CPEB3: variants seen among roughly 807,000 people sequenced by gnomAD.
The protein encoded by CPEB3 is cytoplasmic polyadenylation element binding protein 3.
In CPEB3, 20 loss-of-function variants were observed where a neutral mutation model predicts 67.2. The ratio of observed to expected loss-of-function variants is 0.30; its 90% CI spans 0.21 to 0.43. CPEB3 has a LOEUF of 0.43. CPEB3 is among the 20% of genes least tolerant of loss of function. The pLI is 1.00. For synonymous variants in CPEB3, 376 were observed against 393.1 expected, an observed-to-expected ratio of 0.96 and a Z score of 0.51; for missense variants, 746 against 968.6, an observed-to-expected ratio of 0.77 and a Z score of 3.05.
chr10:92,192,451 G>T lies in CPEB3; in HGVS notation c.1165+26C>A, dbSNP rs772822913. 1.5e-5 allele frequency: 23 copies of T among 1,571,018 alleles called. No homozygotes were observed. The South Asian group carries it at 2.7e-4, about 18-fold the overall frequency. ...GATTTTTGCTTAAAACACCAAGCAA[G>T]AAATGGACATATGAATATTCCTAAC... On this transcript the variant is annotated intron_variant, in intron 3 of 9. Coordinates refer to ENST00000265997, the MANE Select transcript of CPEB3 (RefSeq NM_014912.5).
intron 2 of CPEB3, among the ~76,000 whole-genome samples, chr10:92,238,277 AC>A (rs1026807464): frequency 3.9e-5 from 6 of 152,292 alleles, no homozygotes; most frequent in African/African-American, 9.6e-5. Flanking sequence ...GTGAACACAC[AC>A]CCGCACTACG....
chr10:92,078,637 A>C (rs1381439999), intron 9 of CPEB3, among the ~76,000 whole-genome samples: 1 of 152,190 alleles, frequency 6.6e-6, no homozygotes, highest in African/African-American at 2.4e-5. Flanking sequence ...TATATGGTTA[A>C]CCCAATTATA....
At chr10:92,141,948 G>A (rs551599057) in intron 6 of CPEB3, among the ~76,000 whole-genome samples, 1 of 150,884 alleles carries the variant, frequency 6.6e-6, no homozygotes, top group Admixed American at 6.6e-5. Flanking sequence ...AATCCAGGAG[G>A]CGGAGCTTGC....
chr10:92,207,856 C>T (rs934878555), intron 2 of CPEB3, among the ~76,000 whole-genome samples: 1 of 152,166 alleles, frequency 6.6e-6, no homozygotes, highest in Non-Finnish European at 1.5e-5. Context: ...AGCGATAGAG[C>T]GAGACTCTGT....
chr10:92,158,518 A>AAC (rs1847313788), intron 4 of CPEB3, among the ~76,000 whole-genome samples: 1 of 152,164 alleles, frequency 6.6e-6, no homozygotes, highest in Admixed American at 6.5e-5. Flanking sequence ...ATTGCCCCCA[A>AAC]ACACACACAC....
At chr10:92,175,230 A>G (rs766246391) in intron 4 of CPEB3, among the ~76,000 whole-genome samples, 31 of 151,124 alleles carry the variant, frequency 2.1e-4, no homozygotes, top group Non-Finnish European at 3.5e-4. Flanking sequence ...TTATATTAAC[A>G]GGATCATCTA....
At chr10:92,071,568 A>G (rs1842753788) in intron 9 of CPEB3, among the ~76,000 whole-genome samples, 1 of 151,812 alleles carries the variant, frequency 6.6e-6, no homozygotes, top group Non-Finnish European at 1.5e-5. Flanking sequence ...CATCTCTACT[A>G]AGAACTACAA....
chr10:92,237,417 A>G (rs749730397), intron 2 of CPEB3, among the ~76,000 whole-genome samples: 11 of 152,224 alleles, frequency 7.2e-5, no homozygotes, highest in Admixed American at 1.3e-4. Flanking sequence ...AATCCAGTCC[A>G]TTTGGCTCTT....
chr10:92,163,291 G>A (rs569670644), intron 4 of CPEB3, among the ~76,000 whole-genome samples: 23 of 152,140 alleles, frequency 1.5e-4, no homozygotes, highest in African/African-American at 4.1e-4. Flanking sequence ...AAAATTAGCC[G>A]GGCATGGTGG....
At chr10:92,241,665 TA>T (rs942770679) in intron 1 of CPEB3, among the ~76,000 whole-genome samples, 1 of 152,178 alleles carries the variant, frequency 6.6e-6, no homozygotes, top group Non-Finnish European at 1.5e-5. Context: ...ACCTCTACCA[TA>T]CAGCCTGTTT....
chr10:92,145,960 T>C (rs1272268522), intron 4 of CPEB3, among the ~76,000 whole-genome samples: 3 of 152,126 alleles, frequency 2.0e-5, no homozygotes, highest in Non-Finnish European at 4.4e-5. Context: ...TCCAAGCTAC[T>C]CTAATTTGGA....
intron 1 of CPEB3, among the ~76,000 whole-genome samples, chr10:92,241,285 T>TGCGC (rs1851840762): frequency 8.5e-6 from 1 of 118,286 alleles, no homozygotes; most frequent in Non-Finnish European, 1.6e-5. Context: ...GGTCAGAGAG[T>TGCGC]GCGCGCGAGC....
At chr10:92,285,802 T>C (rs1842502805) in intron 1 of CPEB3, among the ~76,000 whole-genome samples, 1 of 152,202 alleles carries the variant, frequency 6.6e-6, no homozygotes, top group Admixed American at 6.5e-5. Flanking sequence ...CAAAGCTCTC[T>C]TTAACACACC....
chr10:92,096,814 G>A (rs538011416), intron 7 of CPEB3, among the ~76,000 whole-genome samples: 18 of 152,104 alleles, frequency 1.2e-4, no homozygotes, highest in Admixed American at 1.2e-3. Flanking sequence ...GTGGTGGCAG[G>A]CACCGGTAAT....
Position 92,249,154 on chromosome 10 carries a change from G to A in CPEB3, c.-11-8793C>T, listed in dbSNP as rs571554919. Among the ~76,000 whole-genome samples, 3 of 151,994 alleles carry A rather than the reference G, an allele frequency of 2.0e-5. No individual in the cohort carries two copies. In the East Asian group the frequency reaches 5.8e-4, roughly 29 times the overall value. On this transcript the variant is annotated intron_variant, in intron 1 of 9. Coordinates refer to ENST00000265997, the MANE Select transcript of CPEB3 (RefSeq NM_014912.5). Reference sequence around the variant, plus strand: ...AGCACTTTGGGAGGCCAAGGCAGGCGGATCACGAGGTCAGGAGATTGAGAC... The same window carrying A: ...AGCACTTTGGGAGGCCAAGGCAGGCAGATCACGAGGTCAGGAGATTGAGAC...
At chr10:92,263,953 T>A (rs928045299) in intron 1 of CPEB3, among the ~76,000 whole-genome samples, 1 of 152,210 alleles carries the variant, frequency 6.6e-6, no homozygotes, top group African/African-American at 2.4e-5. Flanking sequence ...GAATTTTATA[T>A]GTCTTATCAG....
At chr10:92,078,552 A>G (rs948604117) in intron 9 of CPEB3, among the ~76,000 whole-genome samples, 1 of 152,140 alleles carries the variant, frequency 6.6e-6, no homozygotes, top group Non-Finnish European at 1.5e-5. Flanking sequence ...TTCTTGCTCC[A>G]AATTCCCTAC....
intron 1 of CPEB3, among the ~76,000 whole-genome samples, chr10:92,285,428 G>A (rs1842483976): frequency 6.6e-6 from 1 of 152,074 alleles, no homozygotes; most frequent in Non-Finnish European, 1.5e-5. Flanking sequence ...ACACCACCAT[G>A]CCTGGTTAAT....
At chr10:92,215,279 A>ACTGGGAGAT (rs1850301801) in intron 2 of CPEB3, among the ~76,000 whole-genome samples, 3 of 149,142 alleles carry the variant, frequency 2.0e-5, no homozygotes, top group Non-Finnish European at 4.5e-5. Flanking sequence ...CTGCCTCCTA[A>ACTGGGAGAT]GTAGCTGGGA....
Sources: allele counts gnomAD v4.1 joint callset (sites outside exome capture counted in the v4.1 genomes callset), GRCh38; gene constraint gnomAD v4.1.1; transcripts MANE v1.5; gene names NCBI Gene and HGNC (gene_info 2026-07-23, HGNC 2026-07-21).